The following STPG2 variants were observed in gnomAD, a reference collection of about 807,000 sequenced individuals.
STPG2 encodes the protein sperm tail PG-rich repeat containing 2, also known as sperm-tail PG-rich repeat-containing protein 2.
Under a neutral mutation model 54.2 loss-of-function variants are expected in STPG2, and 56 were observed. The ratio of observed to expected loss-of-function variants is 1.03; its 90% confidence interval spans 0.83 to 1.29. The LOEUF is 1.29. Among genes scored for constraint, STPG2 ranks in the 50% most tolerant of loss-of-function variants. STPG2 has a pLI of 0.00. For synonymous variants in STPG2, 200 were observed against 181.8 expected (o/e 1.10, Z -0.81); for missense variants, 596 against 544.9 (o/e 1.09, Z -0.93).
At chr4:97,970,876 C>T (rs1353636189) in intron 7 of STPG2, among the ~76,000 whole-genome samples, 1 of 152,126 alleles carries the variant, frequency 6.6e-6, no homozygotes, top group South Asian at 2.1e-4. Flanking sequence ...CACAGGCAAC[C>T]TACAGAATGG....
chr4:97,480,390 T>C (rs72885598), intron 4 of STPG2, among the ~76,000 whole-genome samples: 5,878 of 151,588 alleles, frequency 0.039, 371 homozygotes, highest in African/African-American at 0.14. Context: ...AGACGTGTAA[T>C]AGAAAATAAT....
intron 10 of STPG2, among the ~76,000 whole-genome samples, chr4:97,688,667 T>G (rs1254979533): frequency 2.0e-5 from 3 of 152,182 alleles, no homozygotes; most frequent in Non-Finnish European, 4.4e-5. Context: ...AGGTATCAGA[T>G]TATGTCAAAA....
At chr4:97,581,134 A>T (rs1420713077) in intron 10 of STPG2, among the ~76,000 whole-genome samples, 1 of 152,086 alleles carries the variant, frequency 6.6e-6, no homozygotes, top group Non-Finnish European at 1.5e-5. Context: ...CAATGAATTA[A>T]TATTAAAATA....
At chr4:98,079,872 C>T (rs971516421) in intron 5 of STPG2, among the ~76,000 whole-genome samples, 11 of 152,038 alleles carry the variant, frequency 7.2e-5, no homozygotes, top group African/African-American at 2.7e-4. Flanking sequence ...TGATTTTACT[C>T]AAGATTCCAA....
intron 10 of STPG2, among the ~76,000 whole-genome samples, chr4:97,663,671 C>T (rs562342091): frequency 6.6e-6 from 1 of 152,218 alleles, no homozygotes; most frequent in African/African-American, 2.4e-5. Flanking sequence ...CAAATCATTG[C>T]CAATCCCAAA....
At chr4:97,462,120 G>T (rs1729679264) in intron 4 of STPG2, among the ~76,000 whole-genome samples, 1 of 151,570 alleles carries the variant, frequency 6.6e-6, no homozygotes, top group Non-Finnish European at 1.5e-5. Context: ...AATTTTGTAT[G>T]TAGTGTAAGA....
At chr4:97,739,010 T>C (rs565687754) in intron 9 of STPG2, among the ~76,000 whole-genome samples, 39 of 151,794 alleles carry the variant, frequency 2.6e-4, no homozygotes, top group African/African-American at 8.9e-4. Context: ...TATAGCAAAC[T>C]ATCTCTCAGA....
chr4:97,490,240 G>T (rs1560630660), intron 4 of STPG2: 1 of 151,038 alleles, frequency 6.6e-6, no homozygotes, highest in Non-Finnish European at 1.5e-5. Context: ...TTTATGACAG[G>T]CTGATTTCCA....
chr4:97,477,252 A>T (rs888962187), intron 4 of STPG2, among the ~76,000 whole-genome samples: 10 of 152,156 alleles, frequency 6.6e-5, no homozygotes, highest in African/African-American at 2.4e-4. Context: ...TACCAGTCAC[A>T]TTTGTTCTCT....
chr4:97,536,839 T>A (rs1008587734), intron 4 of STPG2, among the ~76,000 whole-genome samples: 1 of 152,152 alleles, frequency 6.6e-6, no homozygotes, highest in Non-Finnish European at 1.5e-5. Flanking sequence ...CAATGGAGAA[T>A]GAATTATCTG....
intron 4 of STPG2, among the ~76,000 whole-genome samples, chr4:97,487,369 T>G (rs1396753990): frequency 1.3e-5 from 2 of 151,606 alleles, no homozygotes; most frequent in Non-Finnish European, 1.5e-5. Context: ...TTACACAATA[T>G]AACTATCAAA....
chr4:97,555,094 A>C (rs1732047297), downstream of STPG2, among the ~76,000 whole-genome samples: 1 of 152,164 alleles, frequency 6.6e-6, no homozygotes, highest in South Asian at 2.1e-4. Flanking sequence ...AGAAAGCATC[A>C]ACTTAAATTT....
chr4:97,931,669 T>C (rs946233322), intron 8 of STPG2, among the ~76,000 whole-genome samples: 1 of 151,038 alleles, frequency 6.6e-6, no homozygotes, highest in Admixed American at 6.6e-5. Flanking sequence ...TTGTTTTTTG[T>C]TGTTGTTGTT....
intron 3 of STPG2, among the ~76,000 whole-genome samples, chr4:98,123,432 A>C (rs1446557902): frequency 1.3e-5 from 2 of 152,110 alleles, no homozygotes; most frequent in East Asian, 3.9e-4. Flanking sequence ...TTTATGCCTT[A>C]ATTTCATTAT....
chr4:97,736,609 A>G (rs1266444604), intron 9 of STPG2, among the ~76,000 whole-genome samples: 6 of 152,150 alleles, frequency 3.9e-5, no homozygotes, highest in Admixed American at 3.9e-4. Flanking sequence ...ACTGATTGCT[A>G]GCACAGCAGC....
At chr4:97,725,910 T>TA in intron 9 of STPG2, among the ~76,000 whole-genome samples, 1 of 151,746 alleles carries the variant, frequency 6.6e-6, no homozygotes, top group Non-Finnish European at 1.5e-5. Flanking sequence ...AGGAAGGTCT[T>TA]AAGTCCCCCA....
At chr4:97,919,209 A>C (rs1439851102) in intron 8 of STPG2, among the ~76,000 whole-genome samples, 1 of 152,062 alleles carries the variant, frequency 6.6e-6, no homozygotes, top group Non-Finnish European at 1.5e-5. Flanking sequence ...ACATTAAGGA[A>C]AGCGATTTCT....
intron 8 of STPG2, among the ~76,000 whole-genome samples, chr4:97,889,627 A>G (rs1052929370): frequency 2.6e-5 from 4 of 152,212 alleles, no homozygotes; most frequent in Admixed American, 2.6e-4. Context: ...TTTCATAGAA[A>G]TAGAGAGTAG....
chr4:97,618,144 G>C (rs1292208194), intron 10 of STPG2, among the ~76,000 whole-genome samples: 3 of 152,116 alleles, frequency 2.0e-5, no homozygotes, highest in African/African-American at 7.2e-5. Context: ...CTGTCTTACT[G>C]ATAGAATGTT....
Sources: allele counts gnomAD v4.1 joint callset (sites outside exome capture counted in the v4.1 genomes callset), GRCh38; gene constraint gnomAD v4.1.1; transcripts MANE v1.5; gene names NCBI Gene and HGNC (gene_info 2026-07-23, HGNC 2026-07-21).